The following TYW5 variants were observed in gnomAD, a reference collection of about 807,000 sequenced individuals.
TYW5 encodes the protein tRNA wybutosine-synthesizing protein 5.
TYW5 carries 36 observed loss-of-function variants against 44.4 expected under a neutral mutation model. The ratio of observed to expected loss-of-function variants is 0.81; its 90% CI spans 0.62 to 1.07. TYW5 has a LOEUF of 1.07. Among genes scored for constraint, TYW5 ranks in the 50% least tolerant of loss-of-function variants. The pLI is 0.00. For missense variants in TYW5, 354 were observed against 365.7 expected, an observed-to-expected ratio of 0.97 and a Z score of 0.26; for synonymous variants, 121 against 128.1, an observed-to-expected ratio of 0.94 and a Z score of 0.37.
intron 3 of TYW5, among the ~76,000 whole-genome samples, chr2:199,940,433 G>T (rs531861561): frequency 6.6e-6 from 1 of 152,090 alleles, no homozygotes; most frequent in Non-Finnish European, 1.5e-5. Flanking sequence ...CAGGAAGACT[G>T]CTTAAGTCCA....
chr2:199,942,197 G>C (rs2077470500), intron 3 of TYW5: 1 of 152,232 alleles, frequency 6.6e-6, no homozygotes, highest in Non-Finnish European at 1.5e-5. Flanking sequence ...CTCCCAAGTA[G>C]CTGGGACTAC....
intron 7 of TYW5, among the ~76,000 whole-genome samples, chr2:199,934,303 A>G (rs931134311): frequency 6.6e-6 from 1 of 151,968 alleles, no homozygotes; most frequent in African/African-American, 2.4e-5. Context: ...AAACCCAAAG[A>G]CAGGAATTTT....
At chr2:199,935,399 A>G (rs2077410614) in intron 7 of TYW5, among the ~76,000 whole-genome samples, 1 of 151,846 alleles carries the variant, frequency 6.6e-6, no homozygotes, top group African/African-American at 2.4e-5. Flanking sequence ...CCATGATGCC[A>G]TGGCATCAAC....
chr2:199,940,282 C>A, intron 3 of TYW5, 149 bp from the exon 4 acceptor site: 1 of 648,550 alleles, frequency 1.5e-6, no homozygotes, highest in Admixed American at 3.1e-5. Context: ...AAATAAAACA[C>A]CTTCACTTCA....
At chr2:199,943,689 T>C in intron 3 of TYW5, 76 bp downstream of exon 3, 1 of 1,180,706 alleles carries the variant, frequency 8.5e-7, no homozygotes, top group Non-Finnish European at 1.2e-6. Context: ...CTTGTGTATC[T>C]ACTATTCTTT....
At chr2:199,952,205 T>C (rs1293202471) in intron 1 of TYW5, among the ~76,000 whole-genome samples, 1 of 152,136 alleles carries the variant, frequency 6.6e-6, no homozygotes, top group African/African-American at 2.4e-5. Flanking sequence ...TACGTAAATA[T>C]TTACACATTT....
intron 4 of TYW5, 46 bp downstream of exon 4, chr2:199,940,043 C>T (rs890487820): frequency 1.9e-6 from 3 of 1,554,268 alleles, no homozygotes; most frequent in Non-Finnish European, 2.7e-6. Flanking sequence ...AACATACATA[C>T]ATCCATTTAG....
In TYW5 at chr2:199,948,591, G is replaced by C. The variant is rs2077520837; in HGVS notation, c.79-119C>G. 7 of 946,538 alleles carry C rather than the reference G, an allele frequency of 7.4e-6. No individual in the cohort carries two copies. In the East Asian group the frequency reaches 1.8e-4, roughly 24 times the overall value. 58.6% of individuals were successfully genotyped at this position (946,538 alleles called of 1,614,324 possible). On this transcript the variant is annotated intron_variant, in intron 1 of 7. Coordinates refer to ENST00000354611, the MANE Select transcript of TYW5 (RefSeq NM_001039693.3). Reference sequence around the variant, plus strand: ...TCTGACTCTTGCTCCCAAGATGCTTGAACTCAAAGCTTCTGACAGTTCATG... The same window carrying C: ...TCTGACTCTTGCTCCCAAGATGCTTCAACTCAAAGCTTCTGACAGTTCATG...
chr2:199,935,754 A>T (rs986168641), intron 7 of TYW5, among the ~76,000 whole-genome samples, 177 bp downstream of exon 7: 1 of 142,192 alleles, frequency 7.0e-6, no homozygotes, highest in East Asian at 2.1e-4. Context: ...ACACACACAC[A>T]CACACACACA....
At chr2:199,943,491 T>C (rs2077481123) in intron 3 of TYW5, 1 of 285,614 alleles carries the variant, frequency 3.5e-6, no homozygotes, top group South Asian at 7.6e-5. Flanking sequence ...TATTTTACTA[T>C]TTTATTTAGT....
At chr2:199,952,212 A>G (rs1426818804) in intron 1 of TYW5, among the ~76,000 whole-genome samples, 1 of 152,120 alleles carries the variant, frequency 6.6e-6, no homozygotes, top group Admixed American at 6.5e-5. Flanking sequence ...ATATTTACAC[A>G]TTTTTGGAGG....
intron 1 of TYW5, chr2:199,955,186 G>T: frequency 1.8e-6 from 1 of 559,486 alleles, no homozygotes; most frequent in South Asian, 2.7e-5. Flanking sequence ...CAGAAACATG[G>T]GACTTTCTCC....
chr2:199,941,222 G>T (rs921134571), intron 3 of TYW5, among the ~76,000 whole-genome samples: 2 of 152,088 alleles, frequency 1.3e-5, no homozygotes, highest in African/African-American at 4.8e-5. Context: ...TTTACTATTT[G>T]TAGAGAAGGA....
At chr2:199,948,292 C>G in intron 2 of TYW5, 26 bp downstream of exon 2, 1 of 1,612,262 alleles carries the variant, frequency 6.2e-7, no homozygotes, top group African/African-American at 1.3e-5. Flanking sequence ...ATTTGTATCC[C>G]CAGAGTAAAC....
At chr2:199,939,915 A>G (rs2077450962) in intron 4 of TYW5, among the ~76,000 whole-genome samples, 174 bp downstream of exon 4, 1 of 152,220 alleles carries the variant, frequency 6.6e-6, no homozygotes, top group African/African-American at 2.4e-5. Context: ...ATACAAAGTA[A>G]TCACTTTTTA....
chr2:199,950,552 C>T (rs929809524), intron 1 of TYW5, among the ~76,000 whole-genome samples: 6 of 152,162 alleles, frequency 3.9e-5, no homozygotes, highest in Non-Finnish European at 2.9e-5. Flanking sequence ...TCCCCGGGTA[C>T]TCTGGTTTCC....
intron 7 of TYW5, among the ~76,000 whole-genome samples, chr2:199,933,643 G>T (rs2077397698): frequency 6.6e-6 from 1 of 152,132 alleles, no homozygotes; most frequent in African/African-American, 2.4e-5. Flanking sequence ...TGTGTTACTT[G>T]TTTATACTTC....
intron 2 of TYW5, chr2:199,945,434 G>C (rs1190010666): frequency 6.6e-6 from 1 of 152,212 alleles, no homozygotes; most frequent in African/African-American, 2.4e-5. Context: ...CACTGCAGGA[G>C]AGAAAAGAGG....
intron 1 of TYW5, among the ~76,000 whole-genome samples, chr2:199,951,779 G>C (rs1316268262): frequency 6.6e-6 from 1 of 151,954 alleles, no homozygotes; most frequent in Non-Finnish European, 1.5e-5. Flanking sequence ...CACTTTGGGA[G>C]GCCGAGGCAG....
Sources: allele counts gnomAD v4.1 joint callset (sites outside exome capture counted in the v4.1 genomes callset), GRCh38; gene constraint gnomAD v4.1.1; transcripts MANE v1.5; gene names NCBI Gene and HGNC (gene_info 2026-07-23, HGNC 2026-07-21).